The following AQP9 variants were observed in gnomAD, a reference collection of about 807,000 sequenced individuals.
AQP9 encodes aquaporin 9.
A neutral mutation model predicts 23.8 loss-of-function variants in AQP9; 19 were observed. That is an observed-to-expected ratio of 0.80 (90% CI 0.56 to 1.17). The LOEUF (loss-of-function observed/expected upper bound fraction) is 1.17, where lower values mean the gene tolerates loss of function less well. Among genes scored for constraint, AQP9 ranks in the 50% most tolerant of loss-of-function variants. The probability of loss-of-function intolerance (pLI) is 0.00; values close to 1 mark genes in which losing one functional copy is unlikely to be tolerated. For missense variants in AQP9, 413 were observed against 362.0 expected, an observed-to-expected ratio of 1.14 and a Z score of -1.14; for synonymous variants, 153 against 131.5, an observed-to-expected ratio of 1.16 and a Z score of -1.12.
intron 5 of AQP9, among the ~76,000 whole-genome samples, chr15:58,183,660 T>G (rs1898941251): frequency 6.6e-6 from 1 of 152,100 alleles, no homozygotes; most frequent in Non-Finnish European, 1.5e-5. Context: ...ACCTGAACTT[T>G]CTTAGGGGCC....
intron 1 of AQP9, among the ~76,000 whole-genome samples, chr15:58,142,746 A>G (rs1351634728): frequency 6.6e-6 from 1 of 152,210 alleles, no homozygotes; most frequent in Non-Finnish European, 1.5e-5. Context: ...TTTCTGGCTC[A>G]ACAGCCACCT....
chr15:58,140,740 G>T (rs1305612468), intron 1 of AQP9, among the ~76,000 whole-genome samples: 1 of 152,194 alleles, frequency 6.6e-6, no homozygotes, highest in Non-Finnish European at 1.5e-5. Context: ...GGATATAAAG[G>T]ACTCAGTCTT....
intron 4 of AQP9, among the ~76,000 whole-genome samples, chr15:58,178,554 G>A (rs1261350773): frequency 6.6e-6 from 1 of 152,140 alleles, no homozygotes; most frequent in African/African-American, 2.4e-5. Flanking sequence ...CATAGTACTT[G>A]TTTAGATCTA....
chr15:58,160,845 T>C (rs983835348), intron 1 of AQP9, among the ~76,000 whole-genome samples: 1 of 152,062 alleles, frequency 6.6e-6, no homozygotes, highest in East Asian at 1.9e-4. Context: ...TTGGGTTTAG[T>C]TGGGGAAGGT....
chr15:58,140,148 A>G (rs1401383008), intron 1 of AQP9, among the ~76,000 whole-genome samples: 2 of 152,074 alleles, frequency 1.3e-5, no homozygotes, highest in South Asian at 2.1e-4. Flanking sequence ...AAATTCAGTT[A>G]CAATTCTTAG....
intron 1 of AQP9, among the ~76,000 whole-genome samples, chr15:58,158,466 A>G (rs1595734241): frequency 6.6e-6 from 1 of 152,216 alleles, no homozygotes; most frequent in Admixed American, 6.5e-5. Context: ...CCAGAATGTT[A>G]TAACTGTTAA....
At chr15:58,152,026 A>G (rs1247505022) in intron 1 of AQP9, 1 of 152,180 alleles carries the variant, frequency 6.6e-6, no homozygotes, top group Non-Finnish European at 1.5e-5. Context: ...AGCACTTGTT[A>G]TTATGGCTAT....
chr15:58,168,301 G>A (rs1259673134), intron 2 of AQP9, among the ~76,000 whole-genome samples: 1 of 152,016 alleles, frequency 6.6e-6, no homozygotes, highest in Non-Finnish European at 1.5e-5. Flanking sequence ...AAAGTGCTAG[G>A]ATTACAGGCA....
chr15:58,168,823 C>T (rs528305816), intron 2 of AQP9, among the ~76,000 whole-genome samples: 1 of 152,196 alleles, frequency 6.6e-6, no homozygotes, highest in Non-Finnish European at 1.5e-5. Flanking sequence ...TAACTGCTCC[C>T]CCTATAAGCT....
rs564430904 is a variant in AQP9, at chr15:58,179,280, C to T, written c.648C>T (p.Asn216=). 2.8e-4 allele frequency: 459 copies of T among 1,614,154 alleles called. 7 individuals are homozygous for T. In the South Asian group the frequency reaches 4.8e-3, roughly 17 times the overall value. Reference sequence around the variant, plus strand: ...GACTGAACAGTGGCTGTGCCATGAACCCAGCTCGAGACCTGAGTCCCAGAC... The same window carrying T: ...GACTGAACAGTGGCTGTGCCATGAATCCAGCTCGAGACCTGAGTCCCAGAC... ...SLGLNSGCAM[N]PARDLSPRLF... is the part of the protein sequence containing the mutation. The change falls in exon 5 of 6, where the codon AAC becomes AAT. Residue 216 remains asparagine, a synonymous_variant. Transcript: ENST00000219919.
chr15:58,178,445 T>C (rs1340515557), intron 4 of AQP9, among the ~76,000 whole-genome samples: 9 of 152,242 alleles, frequency 5.9e-5, no homozygotes, highest in East Asian at 1.9e-4. Context: ...ATTATTTCCA[T>C]TGTGTAATTC....
intron 1 of AQP9, among the ~76,000 whole-genome samples, chr15:58,143,345 G>A (rs1897983539): frequency 6.6e-6 from 1 of 152,160 alleles, no homozygotes; most frequent in African/African-American, 2.4e-5. Context: ...ACAAGAGAGG[G>A]CAAAGGAGGT....
Position 58,173,116 on chromosome 15 carries a change from G to A in AQP9, c.287G>A (p.Arg96Gln), listed in dbSNP as rs745957752. 2.2e-5 allele frequency: 35 copies of A among 1,613,866 alleles called. No individual in the cohort carries two copies. The highest frequency in any genetic ancestry group is 6.7e-5 in the African/African-American group (5 of 74,912). The part of the protein sequence containing the change: ...AVSLAMCLFG[R>Q]MKWFKLPFYV... ...TCTTTAGCAATGTGTCTCTTTGGAC[G>A]GATGAAATGGTTCAAATTGCCATTT... Residue 96 changes from arginine (R) to glutamine (Q), a missense_variant, in exon 3 of 6, where the codon CGG (arginine) becomes CAG (glutamine). By Grantham distance (43) the Arg-to-Gln change is conservative (BLOSUM62 1). Coordinates refer to ENST00000219919, the MANE Select transcript of AQP9 (RefSeq NM_020980.5).
At chr15:58,180,116 GC>G (rs1304746801) in intron 5 of AQP9, among the ~76,000 whole-genome samples, 6 of 152,164 alleles carry the variant, frequency 3.9e-5, no homozygotes, top group Non-Finnish European at 2.9e-5. Flanking sequence ...GACAAAATTT[GC>G]CCCTTCACTA....
At chr15:58,173,876 C>T (rs1194996630) in intron 3 of AQP9, among the ~76,000 whole-genome samples, 4 of 152,164 alleles carry the variant, frequency 2.6e-5, no homozygotes, top group Admixed American at 2.0e-4. Context: ...CCCATGAAAT[C>T]AACTGTTAAA....
chr15:58,154,164 T>G (rs1898201750), intron 1 of AQP9: 1 of 151,994 alleles, frequency 6.6e-6, no homozygotes, highest in Admixed American at 6.6e-5. Context: ...ATATACTAGG[T>G]TTTTACTCAG....
chr15:58,162,242 C>G (rs1595736310), intron 1 of AQP9, among the ~76,000 whole-genome samples: 1 of 152,130 alleles, frequency 6.6e-6, no homozygotes, highest in Non-Finnish European at 1.5e-5. Context: ...CACTGGGAGT[C>G]CGAGGAGACG....
intron 3 of AQP9, among the ~76,000 whole-genome samples, 163 bp downstream of exon 3, chr15:58,173,368 A>G (rs1237312466): frequency 3.3e-5 from 5 of 152,216 alleles, no homozygotes; most frequent in Non-Finnish European, 5.9e-5. Flanking sequence ...CCATTCCAGC[A>G]AATTCGTGAA....
At chr15:58,156,433 C>T (rs1215062711) in intron 1 of AQP9, among the ~76,000 whole-genome samples, 3 of 152,064 alleles carry the variant, frequency 2.0e-5, no homozygotes, top group East Asian at 3.9e-4. Flanking sequence ...ACACATTCAC[C>T]GTATCAACTG....
Sources: gnomAD v4.1 joint callset for allele counts (sites outside exome capture counted in the v4.1 genomes callset) on GRCh38, gnomAD v4.1.1 for gene constraint, MANE v1.5 for transcripts, NCBI Gene and HGNC (gene_info 2026-07-23, HGNC 2026-07-21) for gene names.